Variants in CSMD2 observed in about 807,000 individuals in gnomAD.
The protein encoded by CSMD2 is CUB and sushi domain-containing protein 2.
A neutral mutation model predicts 398.5 loss-of-function variants in CSMD2; 130 were observed. The observed-to-expected ratio is 0.33, with a 90% CI of 0.28 to 0.38. The LOEUF (loss-of-function observed/expected upper bound fraction) is 0.38. Among genes scored for constraint, CSMD2 ranks in the 10% least tolerant of loss-of-function variants. CSMD2 has a pLI of 1.00. For missense variants in CSMD2, 3,829 were observed against 4,764.9 expected (o/e 0.80, Z 5.78); for synonymous variants, 1,828 against 1,908.5 (o/e 0.96, Z 1.10).
intron 5 of CSMD2, among the ~76,000 whole-genome samples, chr1:33,850,841 C>A (rs1004003848): frequency 6.6e-6 from 1 of 152,098 alleles, no homozygotes; most frequent in African/African-American, 2.4e-5. Context: ...AAATCACTCC[C>A]TGTAATGCAT....
rs113701531 is a variant in CSMD2 at position 33,568,393 on chromosome 1, G to T, written c.8132-552C>A. ...AGTAGAGATGGATTTCACCATGTTG[G>T]CCAGGCTGGTCTCGAACTCCTGGCC... On this transcript the variant is annotated intron_variant, in intron 52 of 70. Transcript: ENST00000373381. Among the ~76,000 whole-genome samples the T allele has an allele frequency of 4.8e-3, 736 of 152,106 alleles. 3 individuals carry two copies. Among genetic ancestry groups the T allele is most frequent in the Non-Finnish European group, 7.8e-3 (528 of 68,012 alleles).
intron 12 of CSMD2, among the ~76,000 whole-genome samples, chr1:33,774,551 T>G (rs974599865): frequency 2.0e-5 from 3 of 152,126 alleles, no homozygotes; most frequent in Non-Finnish European, 4.4e-5. Flanking sequence ...GTGAGGGCTG[T>G]CACTGCAGGC....
At chr1:34,000,200 A>C (rs1646856308) in intron 3 of CSMD2, among the ~76,000 whole-genome samples, 1 of 152,152 alleles carries the variant, frequency 6.6e-6, no homozygotes, top group Non-Finnish European at 1.5e-5. Flanking sequence ...AGTCCTCAAA[A>C]GGACTTCAAT....
At chr1:34,137,440 G>A (rs560766067) in intron 1 of CSMD2, among the ~76,000 whole-genome samples, 1 of 152,220 alleles carries the variant, frequency 6.6e-6, no homozygotes, top group South Asian at 2.1e-4. Flanking sequence ...TTCCCCCGCT[G>A]GTCTCTGACC....
At chr1:33,925,897 C>T (rs10914815) in intron 4 of CSMD2, among the ~76,000 whole-genome samples, 16,133 of 152,080 alleles carry the variant, frequency 0.11, 1,051 homozygotes, top group Non-Finnish European at 0.15. Flanking sequence ...GTTATTTTCT[C>T]TTTCTGGAAA....
intron 29 of CSMD2, among the ~76,000 whole-genome samples, chr1:33,637,559 C>T (rs1157808359): frequency 3.3e-5 from 5 of 152,270 alleles, no homozygotes; most frequent in Non-Finnish European, 4.4e-5. Flanking sequence ...CCCATGCTCA[C>T]GCTTCTATGC....
chr1:33,525,260 G>A (rs1654670136), intron 65 of CSMD2, among the ~76,000 whole-genome samples: 1 of 152,250 alleles, frequency 6.6e-6, no homozygotes, highest in Admixed American at 6.5e-5. Context: ...CATGTTCATC[G>A]CAGCATCATT....
At chr1:33,621,762 G>T (rs771926773) in intron 37 of CSMD2, among the ~76,000 whole-genome samples, 8 of 152,146 alleles carry the variant, frequency 5.3e-5, no homozygotes, top group Non-Finnish European at 8.8e-5. Context: ...TGAGAAATCT[G>T]GTAGAAGATG....
rs971190341 is a variant in CSMD2 at position 33,964,824 on chromosome 1, C to G, written c.518-28870G>C. On this transcript the variant is annotated intron_variant, in intron 3 of 70. Transcript: ENST00000373381. ...TATCTGGCTTTATATCCTGACTCTC[C>G]CCTTAACTATCAGCTGAGTGACTGG... 2.0e-5 allele frequency among the ~76,000 whole-genome samples: 3 copies of G among 152,154 alleles called. No individual in the cohort carries two copies. The South Asian group carries it at 6.2e-4, about 32-fold the overall frequency.
chr1:33,555,939 C>G (rs1401460425), intron 55 of CSMD2, among the ~76,000 whole-genome samples: 2 of 152,064 alleles, frequency 1.3e-5, no homozygotes, highest in Non-Finnish European at 2.9e-5. Context: ...TCAACAGCAA[C>G]ATTAACAGGA....
chr1:34,021,861 G>A (rs563021836), intron 3 of CSMD2, among the ~76,000 whole-genome samples: 3 of 152,210 alleles, frequency 2.0e-5, no homozygotes, highest in Non-Finnish European at 4.4e-5. Context: ...GAGCAATTAA[G>A]CAGTTACCAT....
chr1:33,976,590 A>C (rs1645974814), intron 3 of CSMD2, among the ~76,000 whole-genome samples: 1 of 152,132 alleles, frequency 6.6e-6, no homozygotes, highest in African/African-American at 2.4e-5. Flanking sequence ...GAAGCAATGG[A>C]GGCAACACCA....
intron 5 of CSMD2, chr1:33,875,682 T>C (rs1020226635): frequency 5.9e-5 from 9 of 152,208 alleles, no homozygotes; most frequent in Non-Finnish European, 8.8e-5. Flanking sequence ...GATTGGAGAC[T>C]GGAGGTAGGT....
intron 44 of CSMD2, chr1:33,592,234 A>C (rs1639508615): frequency 1.6e-6 from 1 of 622,112 alleles, no homozygotes; most frequent in Non-Finnish European, 2.9e-6. Context: ...TTCTGCACAT[A>C]GGATTGTTCT....
At chr1:33,728,405 A>G (rs1440138964) in intron 15 of CSMD2, among the ~76,000 whole-genome samples, 1 of 152,144 alleles carries the variant, frequency 6.6e-6, no homozygotes, top group Non-Finnish European at 1.5e-5. Flanking sequence ...AGAAACTTAT[A>G]TTAGGAAGTT....
At chr1:33,911,295 T>C (rs978104931) in intron 5 of CSMD2, among the ~76,000 whole-genome samples, 1 of 152,228 alleles carries the variant, frequency 6.6e-6, no homozygotes, top group Non-Finnish European at 1.5e-5. Context: ...AATAAGTGGA[T>C]AGTTATTATT....
chr1:34,082,367 TGGGAGGTGGGGGGCGACC>T (rs1264443358), intron 2 of CSMD2, among the ~76,000 whole-genome samples: 12 of 151,518 alleles, frequency 7.9e-5, no homozygotes, highest in African/African-American at 2.4e-4. Flanking sequence ...CCGCCCCGTC[TGGGAGGTGGGGGGCGACC>T]CCGCCCAGCA....
intron 1 of CSMD2, among the ~76,000 whole-genome samples, chr1:34,136,408 T>C (rs1015608117): frequency 6.6e-6 from 1 of 152,178 alleles, no homozygotes; most frequent in Non-Finnish European, 1.5e-5. Flanking sequence ...AAATATTACA[T>C]GTGAGTGTGA....
At chr1:33,738,219 T>C (rs1646944660) in intron 15 of CSMD2, among the ~76,000 whole-genome samples, 1 of 152,204 alleles carries the variant, frequency 6.6e-6, no homozygotes, top group Admixed American at 6.5e-5. Context: ...TTCTATCACA[T>C]GAAATGTGAG....
Sources: allele counts gnomAD v4.1 joint callset (sites outside exome capture counted in the v4.1 genomes callset), GRCh38; gene constraint gnomAD v4.1.1; transcripts MANE v1.5; gene names NCBI Gene and HGNC (gene_info 2026-07-23, HGNC 2026-07-21).